Variants in SYT13 observed in about 807,000 individuals in gnomAD.
SYT13 encodes synaptotagmin-13.
In SYT13, 21 loss-of-function variants were observed where a neutral mutation model predicts 38.6. The observed-to-expected ratio is 0.54, with a 90% CI of 0.39 to 0.78. SYT13 has a LOEUF of 0.78. SYT13 is among the 30% of genes least tolerant of loss of function. The pLI, the probability that SYT13 is intolerant of heterozygous loss-of-function variation, is 0.00. For missense variants in SYT13, 495 were observed against 548.7 expected (o/e 0.90, Z 0.98); for synonymous variants, 241 against 237.6 (o/e 1.01, Z -0.13).
rs573756487 is a variant in SYT13 at position 45,252,908 on chromosome 11, G to A, written c.545-186C>T. On this transcript the variant is annotated intron_variant, in intron 3 of 5. Transcript: ENST00000020926. This position sits in a 1 kb window ranked among gnomAD's most constrained non-coding sequence, Gnocchi z 4.3. Reference sequence around the variant, plus strand: ...GACATTTAGAAATAGATCATTTGAGGGGGCTGGCCTCAGCACATGCCGATT... The same window carrying A: ...GACATTTAGAAATAGATCATTTGAGAGGGCTGGCCTCAGCACATGCCGATT... Among the ~76,000 whole-genome samples the A allele has an allele frequency of 9.8e-4, 150 of 152,286 alleles. No homozygotes were observed. Among genetic ancestry groups the A allele is most frequent in the African/African-American group, 3.4e-3 (141 of 41,576 alleles).
At chr11:45,259,478 C>T (rs965323358) in intron 1 of SYT13, among the ~76,000 whole-genome samples, 2 of 152,158 alleles carry the variant, frequency 1.3e-5, no homozygotes, top group African/African-American at 4.8e-5. Flanking sequence ...TGCCTTCCTC[C>T]CTCCTCAGTG....
At chr11:45,266,505 C>CAT in intron 1 of SYT13, among the ~76,000 whole-genome samples, 1 of 57,232 alleles carries the variant, frequency 1.7e-5, no homozygotes, top group Non-Finnish European at 3.3e-5. Flanking sequence ...CTCTCAAATA[C>CAT]ACACACACAC....
chr11:45,280,015 G>T (rs1457396870), intron 1 of SYT13, among the ~76,000 whole-genome samples: 1 of 152,154 alleles, frequency 6.6e-6, no homozygotes, highest in Non-Finnish European at 1.5e-5. Flanking sequence ...CATGGCAATT[G>T]CTTGTTTTAT....
rs2135881904 is a variant in SYT13 at position 45,243,124 on chromosome 11, A to G, written c.*928T>C. On this transcript the variant is annotated 3_prime_UTR_variant, in exon 6 of 6. Transcript: ENST00000020926. ...GACATCTAGCAATCAGAACCCAGCC[A>G]ATGACTCACAGGAGATCCCACCTGT... The G allele has an allele frequency of 6.6e-6, 1 of 152,304 alleles. No homozygotes were observed. Among genetic ancestry groups the G allele is most frequent in the East Asian group, 1.9e-4 (1 of 5,180 alleles). The allele number at this position is 152,304 out of a possible 1,614,324, so 9.4% of individuals were successfully genotyped here. A position where few individuals can be genotyped will look rare whatever the true frequency, so the allele number is the denominator to read the frequency against.
rs1855036561 is a variant in SYT13, at chr11:45,278,635, AC to A, written c.183+7389del. Among the ~76,000 whole-genome samples the A allele has an allele frequency of 2.0e-5, 3 of 152,302 alleles. No homozygotes were observed. The South Asian group carries it at 6.2e-4, about 32-fold the overall frequency. ...GCAGCACTGTTTTCTGCTAGAATTA[AC>A]AAAAGGTGCTAGTGAATCATCAATT... On this transcript the variant is annotated intron_variant, in intron 1 of 5. Transcript: ENST00000020926.
At chr11:45,265,301 G>A (rs79362214) in intron 1 of SYT13, among the ~76,000 whole-genome samples, 2,479 of 152,368 alleles carry the variant, frequency 0.016, 34 homozygotes, top group East Asian at 0.074. Flanking sequence ...CAATTTGGCC[G>A]CTCAGGCGAC....
chr11:45,280,249 G>T (rs1038363617), intron 1 of SYT13, among the ~76,000 whole-genome samples: 1 of 152,226 alleles, frequency 6.6e-6, no homozygotes, highest in African/African-American at 2.4e-5. Context: ...GGCCTAATAG[G>T]ACCACACTGA....
intron 1 of SYT13, chr11:45,269,584 T>C (rs1471914545): frequency 4.5e-6 from 3 of 672,298 alleles, no homozygotes; most frequent in Non-Finnish European, 6.7e-6. Context: ...TTTTCTCTAT[T>C]CTATATACCC....
At chr11:45,257,939 A>G (rs146622550) in intron 1 of SYT13, among the ~76,000 whole-genome samples, 38 of 152,364 alleles carry the variant, frequency 2.5e-4, no homozygotes, top group African/African-American at 8.2e-4. Context: ...AGATAAGGAA[A>G]CTGAGGCTCG....
In SYT13 at chr11:45,243,985, G is replaced by A; in HGVS notation, c.*67C>T. The A allele has an allele frequency of 6.8e-7, 1 of 1,477,868 alleles. No homozygotes were observed. The highest frequency in any genetic ancestry group is 9.1e-7 in the Non-Finnish European group (1 of 1,102,258). 91.5% of individuals were successfully genotyped at this position (1,477,868 alleles called of 1,614,324 possible). On this transcript the variant is annotated 3_prime_UTR_variant, in exon 6 of 6. Coordinates refer to ENST00000020926, the MANE Select transcript of SYT13 (RefSeq NM_020826.3). ...TTCTGGGTGTCAGAATGAGGAAAGG[G>A]GCACAGAAAGGAGGTTGCAGAGGAC...
At position 45,242,968 on chromosome 11, in the gene SYT13, A is replaced by T. The variant is rs3793; in HGVS notation, c.*1084T>A. 1 of 152,100 alleles carries T rather than the reference A, an allele frequency of 6.6e-6. No homozygotes were observed. Among genetic ancestry groups the T allele is most frequent in the African/African-American group, 2.4e-5 (1 of 41,388 alleles). 9.4% of individuals were successfully genotyped at this position (152,100 alleles called of 1,614,324 possible). A position where few individuals can be genotyped will look rare whatever the true frequency, so the allele number is the denominator to read the frequency against. ...AAGACCTGATTTCCTTTTTAAAATT[A>T]TCTTTCTTCTCTACCTACATGTAGC... On this transcript the variant is annotated 3_prime_UTR_variant, in exon 6 of 6. Transcript: ENST00000020926.
chr11:45,283,143 A>G (rs1416848559), intron 1 of SYT13, among the ~76,000 whole-genome samples: 1 of 152,188 alleles, frequency 6.6e-6, no homozygotes, highest in Non-Finnish European at 1.5e-5. Context: ...GTCAGACCTT[A>G]TGTAAAAAAT....
At position 45,243,521 on chromosome 11, in the gene SYT13, C is replaced by G. The variant is rs1006020370; in HGVS notation, c.*531G>C. On this transcript the variant is annotated 3_prime_UTR_variant, in exon 6 of 6. Transcript: ENST00000020926. ...CCAGGAATACCGACTAGGAATGTCT[C>G]CAGGCGAGCCCAGGAATCTGCTGGT... 1 of 152,668 alleles carries G rather than the reference C, an allele frequency of 6.6e-6. No individual in the cohort carries two copies. The highest frequency in any genetic ancestry group is 2.4e-5 in the African/African-American group (1 of 41,418). 9.5% of individuals were successfully genotyped at this position (152,668 alleles called of 1,614,324 possible).
At chr11:45,273,452 G>A (rs1412245009) in intron 1 of SYT13, among the ~76,000 whole-genome samples, 1 of 152,084 alleles carries the variant, frequency 6.6e-6, no homozygotes, top group East Asian at 1.9e-4. Context: ...GGGCCTTCTG[G>A]GGCCAGGGTG....
rs1046359050 is a variant in SYT13, at chr11:45,242,078, G to C, written c.*1974C>G. On this transcript the variant is annotated 3_prime_UTR_variant, in exon 6 of 6. Coordinates refer to ENST00000020926, the MANE Select transcript of SYT13 (RefSeq NM_020826.3). ...GCTCAGATTCTCAGGGAGAGGCCAA[G>C]TATGACTTGACTTGTTGAAGGAATG... 4 of 152,234 alleles carry C rather than the reference G, an allele frequency of 2.6e-5. No homozygotes were observed. Among genetic ancestry groups the C allele is most frequent in the Non-Finnish European group, 5.9e-5 (4 of 68,048 alleles). 9.4% of individuals were successfully genotyped at this position (152,234 alleles called of 1,614,324 possible).
Position 45,255,857 on chromosome 11 carries a change from G to A in SYT13, c.218C>T (p.Pro73Leu), listed in dbSNP as rs1204866420. Reference sequence around the variant, plus strand: ...GTCTGGGAACTTGAGGAGGGCACGGGGCTGAACAGGTTCCGTGGACTTTTT... The same window carrying A: ...GTCTGGGAACTTGAGGAGGGCACGGAGCTGAACAGGTTCCGTGGACTTTTT... ...NVKKSTEPVQ[P>L]RALLKFPDIY... The change falls in exon 2 of 6, where the codon CCC becomes CTC. Residue 73 changes from proline to leucine, a missense_variant. Transcript: ENST00000020926. 1 of 1,614,050 alleles carries A rather than the reference G, an allele frequency of 6.2e-7. No individual in the cohort carries two copies. Among genetic ancestry groups the A allele is most frequent in the African/African-American group, 1.3e-5 (1 of 74,908 alleles).
chr11:45,264,002 C>T (rs549159021), intron 1 of SYT13, among the ~76,000 whole-genome samples: 3 of 152,266 alleles, frequency 2.0e-5, no homozygotes, highest in Admixed American at 1.3e-4. Flanking sequence ...TTTATGTGAC[C>T]CTAGGGTCTA....
rs1854588216 is a variant in SYT13, at chr11:45,244,246, C to T, written c.1087G>A (p.Glu363Lys). The change falls in exon 6 of 6, where the codon GAG becomes AAG. Residue 363 changes from glutamate (E) to lysine (K), a missense_variant. Glu to Lys is a moderately conservative substitution (Grantham distance 56, BLOSUM62 1). Coordinates refer to ENST00000020926, the MANE Select transcript of SYT13 (RefSeq NM_020826.3). ...GCCTGCAGCAGGTCGTCAGGCAGCT[C>T]AAACATGATCATCTCGTTCCACACG... Reference protein sequence around the residue: ...NPVWNEMIMFELPDDLLQASS... With the variant: ...NPVWNEMIMFKLPDDLLQASS... 1 of 1,614,064 alleles carries T rather than the reference C, an allele frequency of 6.2e-7. No homozygotes were observed. Among genetic ancestry groups the T allele is most frequent in the African/African-American group, 1.3e-5 (1 of 75,052 alleles).
chr11:45,280,170 T>A (rs1239406839), intron 1 of SYT13, among the ~76,000 whole-genome samples: 3 of 152,086 alleles, frequency 2.0e-5, no homozygotes, highest in African/African-American at 7.2e-5. Context: ...CTCTTACATG[T>A]GTGAATTAAA....
Sources: allele counts gnomAD v4.1 joint callset (sites outside exome capture counted in the v4.1 genomes callset), GRCh38; gene constraint gnomAD v4.1.1; non-coding constraint Gnocchi (gnomAD v3.1); transcripts MANE v1.5; gene names NCBI Gene and HGNC (gene_info 2026-07-23, HGNC 2026-07-21).